The following RAPGEF1 variants were observed in gnomAD, a reference collection of about 807,000 sequenced individuals.
RAPGEF1 encodes CRK SH3-binding GNRP.
RAPGEF1 carries 33 observed loss-of-function variants against 143.3 expected under a neutral mutation model. The ratio of observed to expected loss-of-function variants is 0.23; its 90% CI spans 0.17 to 0.31. RAPGEF1 has a LOEUF of 0.31. Ranked by LOEUF, RAPGEF1 falls within the 10% of genes least tolerant of loss-of-function variation. RAPGEF1 has a pLI of 1.00. For missense variants in RAPGEF1, 1,199 were observed against 1,645.4 expected, an observed-to-expected ratio of 0.73 and a Z score of 4.69; for synonymous variants, 629 against 676.5, an observed-to-expected ratio of 0.93 and a Z score of 1.09.
At chr9:131,585,720 C>T (rs1952615882) in intron 22 of RAPGEF1, among the ~76,000 whole-genome samples, 3 of 151,836 alleles carry the variant, frequency 2.0e-5, no homozygotes, top group South Asian at 4.2e-4. Flanking sequence ...CTTTAAAACA[C>T]ATCAGACATT....
chr9:131,730,181 G>A (rs1437923029), intron 1 of RAPGEF1, among the ~76,000 whole-genome samples: 13 of 109,418 alleles, frequency 1.2e-4, no homozygotes, highest in East Asian at 2.7e-4. Context: ...GCAACAGAGC[G>A]AGACTCCCTC....
Position 131,739,841 on chromosome 9 carries a change from C to T in RAPGEF1, c.-11G>A. ...GAGGCCGCCGCTCATCGGGCCCGGG[C>T]CGGGCCGCCGCGGGGCGACAGGGGC... On this transcript the variant is annotated 5_prime_UTR_variant, in exon 1 of 27. Coordinates refer to ENST00000683357, the MANE Select transcript of RAPGEF1 (RefSeq NM_001377935.1). 4 of 1,027,102 alleles carry T rather than the reference C, an allele frequency of 3.9e-6. No homozygotes were observed. The highest frequency in any genetic ancestry group is 8.1e-5 in the South Asian group (2 of 24,760). 63.6% of individuals were successfully genotyped at this position (1,027,102 alleles called of 1,614,324 possible).
At chr9:131,658,676 G>A (rs910847043) in intron 1 of RAPGEF1, among the ~76,000 whole-genome samples, 10 of 152,178 alleles carry the variant, frequency 6.6e-5, no homozygotes, top group African/African-American at 2.4e-4. Context: ...AGGATGGGCC[G>A]GAGGAGAGGA....
At chr9:131,610,171 T>C (rs1421053628) in intron 12 of RAPGEF1, among the ~76,000 whole-genome samples, 1 of 152,210 alleles carries the variant, frequency 6.6e-6, no homozygotes, top group East Asian at 1.9e-4. Flanking sequence ...GCTGTGATTA[T>C]AGGCGTGAGC....
In RAPGEF1 at chr9:131,629,201, GTC is replaced by G; in HGVS notation, c.792_793del (p.Thr265TrpfsTer7). ...GAGCTCAGTTGACTGTGACATCCCA[GTC>G]GTCTTGTTTAGGATCTCTACCTCGC... On this transcript the variant is annotated frameshift_variant, in exon 7 of 27. Coordinates refer to ENST00000683357, the MANE Select transcript of RAPGEF1 (RefSeq NM_001377935.1). LOFTEE classifies it high-confidence loss of function. 6.2e-7 allele frequency: 1 copy of G among 1,614,006 alleles called. No individual in the cohort carries two copies. The highest frequency in any genetic ancestry group is 1.1e-5 in the South Asian group (1 of 91,090).
intron 25 of RAPGEF1, among the ~76,000 whole-genome samples, chr9:131,581,575 T>C (rs1175465073): frequency 1.3e-5 from 2 of 151,462 alleles, no homozygotes; most frequent in Non-Finnish European, 2.9e-5. Context: ...TGCGCATGCC[T>C]GTAGTCCCAT....
At chr9:131,708,631 C>A (rs192662711) in intron 1 of RAPGEF1, among the ~76,000 whole-genome samples, 59 of 152,286 alleles carry the variant, frequency 3.9e-4, no homozygotes, top group African/African-American at 1.3e-3. Context: ...TTTGGAAGTG[C>A]TATATATTTA....
At chr9:131,665,226 T>C (rs1267643519) in intron 1 of RAPGEF1, among the ~76,000 whole-genome samples, 5 of 152,210 alleles carry the variant, frequency 3.3e-5, no homozygotes, top group Non-Finnish European at 7.3e-5. Context: ...AGTCTAAAAC[T>C]GTATCTCTGA....
In RAPGEF1 at chr9:131,597,586, C is replaced by T. The variant is rs145185475; in HGVS notation, c.2613+613G>A. Reference sequence around the variant, plus strand: ...GCTCCTTTGTACTTCTAGCACTGCACGGCAGGAGGGAGAGGCAGGGCACTC... The same window carrying T: ...GCTCCTTTGTACTTCTAGCACTGCATGGCAGGAGGGAGAGGCAGGGCACTC... On this transcript the variant is annotated intron_variant, in intron 16 of 26. Coordinates refer to ENST00000683357, the MANE Select transcript of RAPGEF1 (RefSeq NM_001377935.1). 3.2e-3 allele frequency among the ~76,000 whole-genome samples: 493 copies of T among 152,342 alleles called. 2 individuals carry two copies. The highest frequency in any genetic ancestry group is 0.011 in the African/African-American group (468 of 41,584).
intron 10 of RAPGEF1, 127 bp from the exon 11 acceptor site, chr9:131,622,125 C>A: frequency 3.4e-6 from 3 of 877,368 alleles, no homozygotes; most frequent in South Asian, 1.5e-5. Flanking sequence ...GACGAACAGA[C>A]GGAGCACGGA....
intron 1 of RAPGEF1, among the ~76,000 whole-genome samples, chr9:131,687,855 A>C (rs1302915903): frequency 6.6e-6 from 1 of 152,232 alleles, no homozygotes; most frequent in East Asian, 1.9e-4. Context: ...TTAACCTGTC[A>C]ATCTTGATAC....
chr9:131,587,536 T>A (rs550433331), intron 22 of RAPGEF1, among the ~76,000 whole-genome samples, 200 bp downstream of exon 22: 1 of 152,282 alleles, frequency 6.6e-6, no homozygotes, highest in East Asian at 1.9e-4. Context: ...CTCGACCAGG[T>A]GGCCACTTCC....
At chr9:131,588,076 G>C (rs201471374) in intron 20 of RAPGEF1, 50 bp from the exon 21 acceptor site, 13 of 1,502,168 alleles carry the variant, frequency 8.7e-6, no homozygotes, top group Admixed American at 1.8e-5. Context: ...GAGGCCGGTG[G>C]GGAGGGCTGA....
chr9:131,604,016 T>C lies in RAPGEF1; in HGVS notation c.2357A>G (p.Tyr786Cys), dbSNP rs772567788. 15 of 1,341,330 alleles carry C rather than the reference T, an allele frequency of 1.1e-5. No homozygotes were observed. Among genetic ancestry groups the C allele is most frequent in the Middle Eastern group, 2.1e-4 (1 of 4,744 alleles). The allele number at this position is 1,341,330 out of a possible 1,614,324, so 83.1% of individuals were successfully genotyped here. A position where few individuals can be genotyped will look rare whatever the true frequency, so the allele number is the denominator to read the frequency against. The change falls in exon 14 of 27, where the codon TAT (tyrosine) becomes TGT (cysteine). Residue 786 changes from tyrosine (Y) to cysteine (C), a missense_variant. This residue lies in a region of RAPGEF1 where 293 missense variants were observed against 356.2 expected (regional missense o/e 0.82). Transcript: ENST00000683357. ...NASEEAGEGEYVNLYSSGQSS... is the reference protein window; with the variant it reads ...NASEEAGEGECVNLYSSGQSS... Reference sequence around the variant, plus strand: ...CTGGCCAGAGGAATACAGATTGACATATTCACCCTCACCAGCTTCCTCACT... The same window carrying C: ...CTGGCCAGAGGAATACAGATTGACACATTCACCCTCACCAGCTTCCTCACT...
chr9:131,622,750 C>T lies in RAPGEF1; in HGVS notation c.1703-752G>A, dbSNP rs201140320. Among the ~76,000 whole-genome samples, 309 of 150,970 alleles carry T rather than the reference C, an allele frequency of 2.0e-3. 2 individuals are homozygous for T. The highest frequency in any genetic ancestry group is 7.2e-3 in the African/African-American group (293 of 40,818). ...CTACTGAAAGGGCAGCTCACAGCCC[C>T]TTGAGCTTGTCTCACACTTCCTTTT... On this transcript the variant is annotated intron_variant, in intron 10 of 26. Transcript: ENST00000683357.
At chr9:131,643,873 C>A (rs1368441746) in intron 3 of RAPGEF1, among the ~76,000 whole-genome samples, 3 of 152,092 alleles carry the variant, frequency 2.0e-5, no homozygotes, top group Non-Finnish European at 4.4e-5. Context: ...TAAGACTGGT[C>A]CAGGGCATGA....
rs543407360 is a variant in RAPGEF1, at chr9:131,619,288, C to A, written c.1906-82G>T. The A allele has an allele frequency of 3.4e-6, 4 of 1,178,078 alleles. No homozygotes were observed. In the African/African-American group the frequency reaches 4.7e-5, roughly 14 times the overall value. 73.0% of individuals were successfully genotyped at this position (1,178,078 alleles called of 1,614,324 possible). On this transcript the variant is annotated intron_variant, in intron 11 of 26. Coordinates refer to ENST00000683357, the MANE Select transcript of RAPGEF1 (RefSeq NM_001377935.1). Reference sequence around the variant, plus strand: ...CAGTCAGGTCCGTGCAGGGAAAGGCCGTGGAGGTTGCTCTCCACATCCTCT... The same window carrying A: ...CAGTCAGGTCCGTGCAGGGAAAGGCAGTGGAGGTTGCTCTCCACATCCTCT...
chr9:131,656,692 G>A (rs1005764687), intron 1 of RAPGEF1, among the ~76,000 whole-genome samples: 7 of 152,232 alleles, frequency 4.6e-5, no homozygotes, highest in Non-Finnish European at 8.8e-5. Context: ...TGACCACGGC[G>A]GAACTGGGGT....
intron 1 of RAPGEF1, among the ~76,000 whole-genome samples, chr9:131,690,008 G>C (rs1208899182): frequency 6.6e-6 from 1 of 152,154 alleles, no homozygotes; most frequent in Admixed American, 6.5e-5. Context: ...TGCGGGCCTT[G>C]TGAGTCTGTT....
Sources: allele counts gnomAD v4.1 joint callset (sites outside exome capture counted in the v4.1 genomes callset), GRCh38; gene constraint gnomAD v4.1.1; regional missense constraint gnomAD v4.1.1; transcripts MANE v1.5; gene names NCBI Gene and HGNC (gene_info 2026-07-23, HGNC 2026-07-21).